The following ARHGAP10 variants were observed in gnomAD, a reference collection of about 807,000 sequenced individuals.
ARHGAP10 encodes Rho GTPase activating protein 10.
Under a neutral mutation model 108.6 loss-of-function variants are expected in ARHGAP10, and 87 were observed. That is an observed-to-expected ratio of 0.80 (90% CI 0.67 to 0.96). ARHGAP10 has a LOEUF of 0.96. Among genes scored for constraint, ARHGAP10 ranks in the 40% least tolerant of loss-of-function variants. The probability of loss-of-function intolerance (pLI) is 0.00; values close to 1 mark genes in which losing one functional copy is unlikely to be tolerated. For missense variants in ARHGAP10, 939 were observed against 954.5 expected (o/e 0.98, Z 0.21); for synonymous variants, 347 against 341.1 (o/e 1.02, Z -0.19).
At chr4:148,055,993 C>T (rs1729348032) in intron 20 of ARHGAP10, among the ~76,000 whole-genome samples, 2 of 152,180 alleles carry the variant, frequency 1.3e-5, no homozygotes, top group Non-Finnish European at 2.9e-5. Flanking sequence ...GGTGAGCAAA[C>T]CGTGGCCCAC....
chr4:147,899,582 T>C (rs150334217), intron 10 of ARHGAP10, among the ~76,000 whole-genome samples: 1 of 152,150 alleles, frequency 6.6e-6, no homozygotes, highest in Non-Finnish European at 1.5e-5. Flanking sequence ...TGAATTCACT[T>C]TCATTGGAAC....
At chr4:147,988,091 C>T (rs1740110242) in intron 18 of ARHGAP10, among the ~76,000 whole-genome samples, 1 of 152,062 alleles carries the variant, frequency 6.6e-6, no homozygotes, top group African/African-American at 2.4e-5. Flanking sequence ...TTTTTATTTC[C>T]CTTACTGCAG....
At chr4:147,955,836 TA>T (rs2126984620) in intron 16 of ARHGAP10, among the ~76,000 whole-genome samples, 1 of 152,252 alleles carries the variant, frequency 6.6e-6, no homozygotes, top group African/African-American at 2.4e-5. Context: ...ACAGAAGGAA[TA>T]TTATGAGATA....
In ARHGAP10 at chr4:147,922,485, C is replaced by T. The variant is rs570323855; in HGVS notation, c.1228+9346C>T. 3.4e-4 allele frequency among the ~76,000 whole-genome samples: 51 copies of T among 150,984 alleles called. No homozygotes were observed. The South Asian group carries it at 7.8e-3, about 23-fold the overall frequency. ...CGGGCGGATCACGAGGTCAGGAGAT[C>T]GAGACCATCCCGGCTAAAACGGTGA... On this transcript the variant is annotated intron_variant, in intron 13 of 22. Transcript: ENST00000336498.
intron 7 of ARHGAP10, among the ~76,000 whole-genome samples, chr4:147,873,178 G>A (rs560822783): frequency 1.1e-4 from 16 of 152,250 alleles, no homozygotes; most frequent in East Asian, 7.7e-4. Flanking sequence ...CAGGACTGGC[G>A]CAGGGAAAGT....
intron 18 of ARHGAP10, among the ~76,000 whole-genome samples, chr4:147,996,796 G>T (rs1740495268): frequency 6.6e-6 from 1 of 152,168 alleles, no homozygotes; most frequent in Non-Finnish European, 1.5e-5. Context: ...ATGAAGGTGG[G>T]GTCCTAACCC....
intron 8 of ARHGAP10, among the ~76,000 whole-genome samples, chr4:147,878,684 A>T (rs1735190421): frequency 6.6e-6 from 1 of 152,206 alleles, no homozygotes; most frequent in African/African-American, 2.4e-5. Context: ...TTTTTCTAGC[A>T]AACTATTTAA....
Position 147,939,815 on chromosome 4 carries a change from C to T in ARHGAP10, c.1229-10C>T. Reference sequence around the variant, plus strand: ...CTTCTATTTTGCTAATAGTTTGTTTCTTCCCATAGGTATAAATGACCAAGG... The same window carrying T: ...CTTCTATTTTGCTAATAGTTTGTTTTTTCCCATAGGTATAAATGACCAAGG... On this transcript the variant is annotated splice_polypyrimidine_tract_variant and intron_variant, in intron 13 of 22. Coordinates refer to ENST00000336498, the MANE Select transcript of ARHGAP10 (RefSeq NM_024605.4). 1.9e-6 allele frequency: 3 copies of T among 1,612,962 alleles called. No individual in the cohort carries two copies. Among genetic ancestry groups the T allele is most frequent in the Non-Finnish European group, 2.5e-6 (3 of 1,179,006 alleles).
intron 3 of ARHGAP10, among the ~76,000 whole-genome samples, chr4:147,844,936 A>G (rs1733575313): frequency 6.6e-6 from 1 of 152,074 alleles, no homozygotes; most frequent in Admixed American, 6.6e-5. Flanking sequence ...GTGGCTTTCC[A>G]CTGTACCCCC....
At chr4:147,758,988 A>C (rs1186309151) in intron 1 of ARHGAP10, among the ~76,000 whole-genome samples, 2 of 151,888 alleles carry the variant, frequency 1.3e-5, no homozygotes, top group African/African-American at 2.4e-5. Context: ...AAAAAAAAAA[A>C]AAACCGAAAA....
At chr4:147,891,920 C>T (rs533499160) in intron 10 of ARHGAP10, among the ~76,000 whole-genome samples, 122 of 152,152 alleles carry the variant, frequency 8.0e-4, no homozygotes, top group African/African-American at 2.8e-3. Context: ...CTGTTAGCTT[C>T]GCTGGCATGC....
At chr4:147,938,359 CTTAAAAG>C (rs1001968868) in intron 13 of ARHGAP10, among the ~76,000 whole-genome samples, 5 of 151,704 alleles carry the variant, frequency 3.3e-5, no homozygotes, top group African/African-American at 9.7e-5. Flanking sequence ...TACCCCTGAA[CTTAAAAG>C]TTAAAAAAAA....
intron 18 of ARHGAP10, among the ~76,000 whole-genome samples, chr4:147,985,324 T>C (rs1739996616): frequency 6.6e-6 from 1 of 152,120 alleles, no homozygotes; most frequent in South Asian, 2.1e-4. Flanking sequence ...GAGCAGGTGC[T>C]CTGAATGCAT....
intron 13 of ARHGAP10, among the ~76,000 whole-genome samples, chr4:147,914,165 C>T (rs144906149): frequency 0.018 from 2,723 of 152,100 alleles, 31 homozygotes; most frequent in Middle Eastern, 0.027. Flanking sequence ...AAAAGAAATC[C>T]GCTTTATTGA....
intron 18 of ARHGAP10, among the ~76,000 whole-genome samples, chr4:147,996,025 C>G (rs1267306342): frequency 6.6e-6 from 1 of 152,192 alleles, no homozygotes; most frequent in Non-Finnish European, 1.5e-5. Context: ...TGGTCCATCT[C>G]TTTTATACTC....
chr4:147,843,929 T>C (rs1169951715), intron 3 of ARHGAP10, among the ~76,000 whole-genome samples: 1 of 152,196 alleles, frequency 6.6e-6, no homozygotes, highest in Non-Finnish European at 1.5e-5. Flanking sequence ...ACATTTCCAT[T>C]TTTCTACCGT....
At chr4:147,899,731 C>T (rs1226319851) in intron 10 of ARHGAP10, among the ~76,000 whole-genome samples, 1 of 150,478 alleles carries the variant, frequency 6.6e-6, no homozygotes, top group Non-Finnish European at 1.5e-5. Flanking sequence ...GGAAAAAATG[C>T]ATGATTCATA....
At chr4:147,847,286 T>A in intron 4 of ARHGAP10, 64 bp downstream of exon 4, 1 of 1,423,988 alleles carries the variant, frequency 7.0e-7, no homozygotes, top group African/African-American at 1.4e-5. Flanking sequence ...TGGTACACTT[T>A]ATTCACATTT....
At position 147,732,160 on chromosome 4, in the gene ARHGAP10, C is replaced by A; in HGVS notation, c.-142C>A. 1 of 735,452 alleles carries A rather than the reference C, an allele frequency of 1.4e-6. No individual in the cohort carries two copies. Among genetic ancestry groups the A allele is most frequent in the Non-Finnish European group, 1.9e-6 (1 of 517,146 alleles). The allele number at this position is 735,452 out of a possible 1,614,324, so 45.6% of individuals were successfully genotyped here. A position where few individuals can be genotyped will look rare whatever the true frequency, so the allele number is the denominator to read the frequency against. ...CAGGACTCGGCTCTACGGGACATGT[C>A]CGTGCCGCGCTCGCCGCGCGCCCGG... On this transcript the variant is annotated 5_prime_UTR_variant, in exon 1 of 23. Transcript: ENST00000336498.
Sources: gnomAD v4.1 joint callset for allele counts (sites outside exome capture counted in the v4.1 genomes callset) on GRCh38, gnomAD v4.1.1 for gene constraint, MANE v1.5 for transcripts, NCBI Gene and HGNC (gene_info 2026-07-23, HGNC 2026-07-21) for gene names.